MAST2: variants seen among roughly 807,000 people sequenced by gnomAD.
MAST2 encodes the protein microtubule-associated serine/threonine-protein kinase 2.
A neutral mutation model predicts 147.4 loss-of-function variants in MAST2; 70 were observed. That is an observed-to-expected ratio of 0.47 (90% CI 0.39 to 0.58). MAST2 has a LOEUF of 0.58. Among genes scored for constraint, MAST2 ranks in the 20% least tolerant of loss-of-function variants. The pLI, the probability that MAST2 is intolerant of heterozygous loss-of-function variation, is 0.00. For synonymous variants in MAST2, 869 were observed against 896.8 expected (o/e 0.97, Z 0.55); for missense variants, 2,080 against 2,302.3 (o/e 0.90, Z 1.98).
intron 3 of MAST2, among the ~76,000 whole-genome samples, chr1:45,844,796 G>A (rs1184876151): frequency 2.0e-5 from 3 of 152,006 alleles, no homozygotes; most frequent in South Asian, 2.1e-4. Context: ...TGGTTTGTTC[G>A]TCCGTTTTGT....
intron 3 of MAST2, among the ~76,000 whole-genome samples, chr1:45,857,881 C>T (rs967096511): frequency 1.8e-5 from 2 of 109,462 alleles, no homozygotes; most frequent in Non-Finnish European, 3.5e-5. Context: ...TTTGTCCTTG[C>T]GATAGTTTGC....
Position 45,999,734 on chromosome 1 carries a change from G to C in MAST2, c.668+1935G>C, listed in dbSNP as rs113765692. Among the ~76,000 whole-genome samples, 61 of 152,226 alleles carry C rather than the reference G, an allele frequency of 4.0e-4. 1 individual carries two copies. In the Middle Eastern group the frequency reaches 0.034, roughly 85 times the overall value. On this transcript the variant is annotated intron_variant, in intron 6 of 28. Coordinates refer to ENST00000361297, the MANE Select transcript of MAST2 (RefSeq NM_015112.3). ...TCTTAAATGTCACCTCCTCAGAGAG[G>C]CCTTCCCTAAACATTCAATCTAAAG...
chr1:46,010,755 T>G lies in MAST2; in HGVS notation c.1004T>G (p.Leu335Arg). The G allele has an allele frequency of 6.2e-7, 1 of 1,613,756 alleles. No homozygotes were observed. The highest frequency in any genetic ancestry group is 8.5e-7 in the Non-Finnish European group (1 of 1,179,936). Residue 335 changes from leucine (L) to arginine (R), a missense_variant, in exon 10 of 29, where the codon CTA becomes CGA. Physicochemically the swap from Leu to Arg is moderately radical, Grantham distance 102 (BLOSUM62 -2). This residue lies in a region of MAST2 where 569 missense variants were observed against 642.5 expected (regional missense o/e 0.89). Transcript: ENST00000361297. ...PKATAQMEER[L>R]AEFISSNTPD... is the part of the protein sequence containing the mutation. ...GCCACCGCACAAATGGAAGAGCGAC[T>G]AGCAGAGTTTATTTCCTCCAACACT...
chr1:45,832,813 T>A (rs930845345), intron 3 of MAST2, among the ~76,000 whole-genome samples: 1 of 152,206 alleles, frequency 6.6e-6, no homozygotes, highest in Non-Finnish European at 1.5e-5. Flanking sequence ...TATGATATAA[T>A]TCACCCACTT....
At chr1:45,932,545 C>T (rs757928432) in intron 4 of MAST2, among the ~76,000 whole-genome samples, 6 of 152,040 alleles carry the variant, frequency 3.9e-5, no homozygotes, top group Non-Finnish European at 7.4e-5. Flanking sequence ...TGGTGGCTCA[C>T]GCCTGTAATC....
At chr1:45,957,911 C>T (rs940663343) in intron 4 of MAST2, among the ~76,000 whole-genome samples, 1 of 152,126 alleles carries the variant, frequency 6.6e-6, no homozygotes, top group Non-Finnish European at 1.5e-5. Context: ...GTTGGGATTT[C>T]GCCAGGACTT....
chr1:45,840,258 T>G (rs1570320414), intron 3 of MAST2, among the ~76,000 whole-genome samples: 1 of 152,340 alleles, frequency 6.6e-6, no homozygotes, highest in East Asian at 1.9e-4. Flanking sequence ...TGGATTTTAA[T>G]ACATATCACT....
intron 11 of MAST2, 61 bp downstream of exon 11, chr1:46,019,758 C>G: frequency 7.1e-7 from 1 of 1,410,252 alleles, no homozygotes. Context: ...GAGGAAGTAT[C>G]CTGATGACAG....
rs749759341 is a variant in MAST2 at position 46,002,814 on chromosome 1, G to A, written c.678G>A (p.Gly226=). Residue 226 remains glycine, a synonymous_variant, in exon 7 of 29, where the codon GGG becomes GGA. Coordinates refer to ENST00000361297, the MANE Select transcript of MAST2 (RefSeq NM_015112.3). ...FSFVPARRTD[G]RRWSLASLPS... ...TTTTTCTTGCATACAGGACTGATGG[G>A]CGGCGCTGGTCTTTGGCCTCTTTGC... 131 of 1,614,042 alleles carry A rather than the reference G, an allele frequency of 8.1e-5. No individual in the cohort carries two copies. The highest frequency in any genetic ancestry group is 9.7e-5 in the Non-Finnish European group (114 of 1,180,018).
chr1:45,865,516 T>C (rs1417703272), intron 3 of MAST2, among the ~76,000 whole-genome samples: 4 of 152,204 alleles, frequency 2.6e-5, no homozygotes, highest in African/African-American at 9.7e-5. Context: ...TGTATGGTAG[T>C]ATATGCTTGA....
chr1:45,925,825 A>G (rs1654273465), intron 4 of MAST2, among the ~76,000 whole-genome samples: 1 of 152,214 alleles, frequency 6.6e-6, no homozygotes, highest in South Asian at 2.1e-4. Flanking sequence ...ATCTTCAGCA[A>G]CAAGCAGTTC....
intron 10 of MAST2, among the ~76,000 whole-genome samples, chr1:46,019,176 C>T (rs894442437): frequency 1.3e-5 from 2 of 151,974 alleles, no homozygotes; most frequent in Admixed American, 6.6e-5. Context: ...AGTGTACTCT[C>T]TACACTGCAG....
intron 2 of MAST2, 28 bp downstream of exon 2, chr1:45,824,608 A>C: frequency 6.4e-7 from 1 of 1,559,404 alleles, no homozygotes; most frequent in Non-Finnish European, 8.7e-7. Context: ...TTGTTTTAAG[A>C]AATGTGGGAC....
intron 4 of MAST2, among the ~76,000 whole-genome samples, chr1:45,938,397 C>T (rs921218096): frequency 6.6e-6 from 1 of 152,160 alleles, no homozygotes; most frequent in South Asian, 2.1e-4. Context: ...GATCATGGCT[C>T]ATTGCAGCCT....
At chr1:45,850,665 G>T (rs1272165085) in intron 3 of MAST2, among the ~76,000 whole-genome samples, 1 of 152,030 alleles carries the variant, frequency 6.6e-6, no homozygotes. Context: ...TCATTCTTCT[G>T]CATGTGCCTA....
intron 4 of MAST2, among the ~76,000 whole-genome samples, chr1:45,911,927 A>T (rs1486143309): frequency 6.7e-6 from 1 of 149,704 alleles, no homozygotes; most frequent in African/African-American, 2.4e-5. Context: ...GTATTAGAGA[A>T]TTGGAGAATA....
rs550114212 is a variant in MAST2, at chr1:46,019,619, A to G, written c.1212A>G (p.Ser404=). ...LQDAHERSES[S]EVAFVMQLVK... is the part of the protein sequence containing the mutation. ...AGGCTCATGAGCGCTCAGAGAGCTCAGAAGTGGCTTTTGTGATGCAGCTGG... is the reference window on the plus strand; with the variant it reads ...AGGCTCATGAGCGCTCAGAGAGCTCGGAAGTGGCTTTTGTGATGCAGCTGG... The change falls in exon 11 of 29, where the codon TCA becomes TCG. Residue 404 remains serine (S), a synonymous_variant. Transcript: ENST00000361297. 8.3e-5 allele frequency: 134 copies of G among 1,614,172 alleles called. 1 individual carries two copies. The South Asian group carries it at 1.4e-3, about 17-fold the overall frequency.
intron 5 of MAST2, among the ~76,000 whole-genome samples, chr1:45,983,488 CTTT>C (rs766505425): frequency 1.4e-5 from 2 of 139,516 alleles, no homozygotes; most frequent in Non-Finnish European, 1.6e-5. Context: ...GAGTAAGACA[CTTT>C]TTTTTTTTTT....
intron 3 of MAST2, among the ~76,000 whole-genome samples, chr1:45,838,395 G>C (rs949842274): frequency 6.6e-6 from 1 of 151,038 alleles, no homozygotes; most frequent in Non-Finnish European, 1.5e-5. Flanking sequence ...AATTTTCTCT[G>C]TATTTTTAAT....
Sources: gnomAD v4.1 joint callset for allele counts (sites outside exome capture counted in the v4.1 genomes callset) on GRCh38, gnomAD v4.1.1 for gene constraint, gnomAD v4.1.1 regional missense constraint, MANE v1.5 for transcripts, NCBI Gene and HGNC (gene_info 2026-07-23, HGNC 2026-07-21) for gene names.